GPC5: variants seen among roughly 807,000 people sequenced by gnomAD.
GPC5 encodes the protein glypican 5.
Under a neutral mutation model 53.9 loss-of-function variants are expected in GPC5, and 47 were observed. The observed-to-expected ratio is 0.87, with a 90% confidence interval of 0.69 to 1.11. The LOEUF (loss-of-function observed/expected upper bound fraction) is 1.11, where lower values mean the gene tolerates loss of function less well. GPC5 is among the 50% of genes most tolerant of loss of function. The probability of loss-of-function intolerance (pLI) is 0.00; values close to 1 mark genes in which losing one functional copy is unlikely to be tolerated. For missense variants in GPC5, 748 were observed against 713.1 expected, an observed-to-expected ratio of 1.05 and a Z score of -0.56; for synonymous variants, 286 against 263.3, an observed-to-expected ratio of 1.09 and a Z score of -0.84.
chr13:92,162,587 TGAAGCA>T (rs2041997870), intron 7 of GPC5, among the ~76,000 whole-genome samples: 1 of 152,126 alleles, frequency 6.6e-6, no homozygotes, highest in Non-Finnish European at 1.5e-5. Flanking sequence ...TACAAAAACG[TGAAGCA>T]GAAACAGAAA....
At chr13:92,349,824 A>G (rs923624256) in intron 7 of GPC5, among the ~76,000 whole-genome samples, 19 of 152,140 alleles carry the variant, frequency 1.2e-4, no homozygotes, top group African/African-American at 4.6e-4. Flanking sequence ...AAGAACTAGT[A>G]CTAATTCTCA....
At chr13:92,059,348 C>T (rs1033940498) in intron 6 of GPC5, among the ~76,000 whole-genome samples, 2 of 152,066 alleles carry the variant, frequency 1.3e-5, no homozygotes, top group African/African-American at 4.8e-5. Flanking sequence ...GAAAGATCAT[C>T]AGTGCTGTTA....
At chr13:92,392,257 T>A (rs756814564) in intron 7 of GPC5, among the ~76,000 whole-genome samples, 5 of 152,124 alleles carry the variant, frequency 3.3e-5, no homozygotes, top group Admixed American at 6.6e-5. Flanking sequence ...TTGGGACAGA[T>A]GTCTATAGTT....
chr13:92,499,139 A>C (rs1880092894), intron 7 of GPC5, among the ~76,000 whole-genome samples: 2 of 152,122 alleles, frequency 1.3e-5, no homozygotes, highest in Admixed American at 1.3e-4. Context: ...GACTCATACA[A>C]ATAAGAAGCA....
At chr13:91,886,350 T>A (rs550203030) in intron 5 of GPC5, among the ~76,000 whole-genome samples, 2 of 152,284 alleles carry the variant, frequency 1.3e-5, no homozygotes, top group South Asian at 4.1e-4. Flanking sequence ...TCCCATGACA[T>A]GTGGGGATTA....
chr13:91,634,898 G>A (rs542078485), intron 2 of GPC5, among the ~76,000 whole-genome samples: 1 of 152,118 alleles, frequency 6.6e-6, no homozygotes, highest in East Asian at 1.9e-4. Flanking sequence ...TTCTGGGGTC[G>A]CCAACATTTG....
At chr13:91,564,894 TTAAA>T (rs773901336) in intron 2 of GPC5, among the ~76,000 whole-genome samples, 60 of 152,230 alleles carry the variant, frequency 3.9e-4, no homozygotes, top group Admixed American at 3.3e-3. Flanking sequence ...ATTTTATAAA[TTAAA>T]TAAAATAATT....
At chr13:92,589,700 T>C (rs917174823) in intron 7 of GPC5, among the ~76,000 whole-genome samples, 5 of 152,198 alleles carry the variant, frequency 3.3e-5, no homozygotes, top group African/African-American at 1.2e-4. Flanking sequence ...TAATCAGGTC[T>C]GTGGTGACCC....
At chr13:91,829,879 G>A (rs566564852) in intron 5 of GPC5, among the ~76,000 whole-genome samples, 103 of 152,182 alleles carry the variant, frequency 6.8e-4, no homozygotes, top group African/African-American at 2.4e-3. Flanking sequence ...TACTTCACAA[G>A]GTCATAGAAT....
At chr13:92,156,096 A>G (rs2041943182) in intron 7 of GPC5, among the ~76,000 whole-genome samples, 1 of 152,152 alleles carries the variant, frequency 6.6e-6, no homozygotes, top group South Asian at 2.1e-4. Flanking sequence ...ATGTAGTGTC[A>G]AAAAATATGG....
chr13:91,849,290 G>T (rs2038887521), intron 5 of GPC5, among the ~76,000 whole-genome samples: 2 of 152,116 alleles, frequency 1.3e-5, no homozygotes, highest in Non-Finnish European at 2.9e-5. Flanking sequence ...CCAAGGCTTT[G>T]TGTCTGACTT....
At chr13:92,385,347 C>CATAT (rs1162443225) in intron 7 of GPC5, among the ~76,000 whole-genome samples, 1 of 87,026 alleles carries the variant, frequency 1.1e-5, no homozygotes, top group African/African-American at 4.3e-5. Flanking sequence ...CATATATATA[C>CATAT]ATATATACAT....
intron 7 of GPC5, among the ~76,000 whole-genome samples, chr13:92,236,715 T>C (rs1271833551): frequency 6.6e-6 from 1 of 152,180 alleles, no homozygotes; most frequent in Non-Finnish European, 1.5e-5. Flanking sequence ...CACGAATTAA[T>C]AAAATACAGA....
chr13:91,797,530 C>A (rs1223186843), intron 5 of GPC5, among the ~76,000 whole-genome samples: 1 of 152,072 alleles, frequency 6.6e-6, no homozygotes, highest in Admixed American at 6.6e-5. Flanking sequence ...ATTTTCTTAA[C>A]TGAGACAGAT....
intron 6 of GPC5, among the ~76,000 whole-genome samples, chr13:92,075,393 G>A (rs969642521): frequency 1.4e-4 from 22 of 152,182 alleles, no homozygotes; most frequent in African/African-American, 5.3e-4. Flanking sequence ...ACTTGATAAC[G>A]GAACCTCTGT....
rs910342956 is a variant in GPC5, at chr13:92,599,911, G to A, written c.1562-266371G>A. Among the ~76,000 whole-genome samples the A allele has an allele frequency of 2.6e-5, 4 of 151,996 alleles. No individual in the cohort carries two copies. In the South Asian group the frequency reaches 8.3e-4, roughly 31 times the overall value. On this transcript the variant is annotated intron_variant, in intron 7 of 7. Coordinates refer to ENST00000377067, the MANE Select transcript of GPC5 (RefSeq NM_004466.6). ...ATTCAGTGGCATTGATTACATTTAT[G>A]ATGTTGTACAATCATCGCCACTATT...
intron 7 of GPC5, among the ~76,000 whole-genome samples, chr13:92,355,542 TC>T (rs1566553767): frequency 6.6e-6 from 1 of 152,106 alleles, no homozygotes; most frequent in Admixed American, 6.6e-5. Context: ...TTTACAGTGA[TC>T]CCCATGCTCC....
chr13:92,610,312 C>T (rs1884393710), intron 7 of GPC5, among the ~76,000 whole-genome samples: 1 of 152,076 alleles, frequency 6.6e-6, no homozygotes, highest in Non-Finnish European at 1.5e-5. Flanking sequence ...TGCTTCAGAA[C>T]AATTTCACAA....
chr13:91,689,184 A>AATATATATATATATATAT (rs1169911890), intron 2 of GPC5, among the ~76,000 whole-genome samples: 1 of 49,590 alleles, frequency 2.0e-5, no homozygotes, highest in Non-Finnish European at 3.8e-5. Flanking sequence ...ATCATATATA[A>AATATATATATATATATAT]ATATATATAT....
Sources: gnomAD v4.1 joint callset for allele counts (sites outside exome capture counted in the v4.1 genomes callset) on GRCh38, gnomAD v4.1.1 for gene constraint, MANE v1.5 for transcripts, NCBI Gene and HGNC (gene_info 2026-07-23, HGNC 2026-07-21) for gene names.